The following HARBI1 variants were observed in gnomAD, a reference collection of about 807,000 sequenced individuals.
The protein encoded by HARBI1 is putative nuclease HARBI1.
A neutral mutation model predicts 25.3 loss-of-function variants in HARBI1; 15 were observed. The observed-to-expected ratio is 0.59, with a 90% CI of 0.40 to 0.91. The LOEUF is 0.91. HARBI1 is among the 40% of genes least tolerant of loss of function. HARBI1 has a pLI of 0.00. For missense variants in HARBI1, 396 were observed against 445.8 expected (o/e 0.89, Z 1.01); for synonymous variants, 168 against 160.5 (o/e 1.05, Z -0.35).
Position 46,603,741 on chromosome 11 carries a change from G to A in HARBI1, c.839C>T (p.Ala280Val). The change falls in exon 3 of 3, where the codon GCA (alanine) becomes GTA (valine). Residue 280 changes from alanine (A) to valine (V), a missense_variant. Coordinates refer to ENST00000326737, the MANE Select transcript of HARBI1 (RefSeq NM_173811.4). Reference protein sequence around the residue: ...RFRCLDGSKGALQYSPEKSSH... With the variant: ...RFRCLDGSKGVLQYSPEKSSH... ...GGATTTCTCTGGTGAGTACTGCAGT[G>A]CCCCCTTGGATCCATCCAGGCAGCG... 1 of 1,614,166 alleles carries A rather than the reference G, an allele frequency of 6.2e-7. No individual in the cohort carries two copies. The highest frequency in any genetic ancestry group is 8.5e-7 in the Non-Finnish European group (1 of 1,180,020).
At chr11:46,616,441 G>A in intron 1 of HARBI1, 60 bp from the exon 2 acceptor site, 1 of 1,385,112 alleles carries the variant, frequency 7.2e-7, no homozygotes, top group Non-Finnish European at 9.3e-7. Context: ...GTGACTCAAA[G>A]GCTGGAGCAG....
At chr11:46,612,164 T>C (rs1376991166) in intron 2 of HARBI1, among the ~76,000 whole-genome samples, 2 of 152,042 alleles carry the variant, frequency 1.3e-5, no homozygotes, top group Non-Finnish European at 2.9e-5. Context: ...ATATGATTAG[T>C]GGTAGTGATT....
intron 2 of HARBI1, among the ~76,000 whole-genome samples, chr11:46,613,837 T>C (rs2045278878): frequency 6.6e-6 from 1 of 151,672 alleles, no homozygotes; most frequent in South Asian, 2.1e-4. Flanking sequence ...CTTATTTATA[T>C]TATTATTACT....
At chr11:46,607,043 T>A (rs1053783929) in intron 2 of HARBI1, among the ~76,000 whole-genome samples, 3 of 152,058 alleles carry the variant, frequency 2.0e-5, no homozygotes, top group Non-Finnish European at 4.4e-5. Flanking sequence ...GGCAGGCGGA[T>A]CACCTGAGGT....
intron 2 of HARBI1, 133 bp from the exon 3 acceptor site, chr11:46,604,042 C>A (rs1246901811): frequency 4.3e-6 from 6 of 1,408,096 alleles, no homozygotes; most frequent in East Asian, 5.2e-5. Context: ...ACTAGAAAAA[C>A]CAAGCGGAAA....
At chr11:46,610,642 G>A (rs2045143969) in intron 2 of HARBI1, among the ~76,000 whole-genome samples, 1 of 152,158 alleles carries the variant, frequency 6.6e-6, no homozygotes, top group South Asian at 2.1e-4. Context: ...CTGGGCGACA[G>A]AGCGAGACTC....
chr11:46,603,788 G>A lies in HARBI1; in HGVS notation c.792C>T (p.Phe264=), dbSNP rs2044839041. The A allele has an allele frequency of 6.2e-7, 1 of 1,614,050 alleles. No individual in the cohort carries two copies. Among genetic ancestry groups the A allele is most frequent in the Non-Finnish European group, 8.5e-7 (1 of 1,180,034 alleles). The part of the protein sequence containing the change: ...SATHSVIEKT[F]RTLCSRFRCL... The stretch of plus-strand genomic sequence containing the variant: ...AGCGGAATCGGGAGCAGAGGGTTCG[G>A]AAAGTCTTCTCAATCACACTGTGAG... Residue 264 remains phenylalanine (F), a synonymous_variant, in exon 3 of 3, where the codon TTC becomes TTT. Coordinates refer to ENST00000326737, the MANE Select transcript of HARBI1 (RefSeq NM_173811.4).
chr11:46,615,722 AT>A lies in HARBI1; in HGVS notation c.515del (p.His172LeufsTer3). 1 of 1,614,176 alleles carries A rather than the reference AT, an allele frequency of 6.2e-7. No homozygotes were observed. Among genetic ancestry groups the A allele is most frequent in the Non-Finnish European group, 8.5e-7 (1 of 1,180,032 alleles). ...CACACACCATCAGGCAGTTTAAAGA[AT>A]GCAGGCCTTTTCGGTTCACATAGGA... ...DLSYVNRKGLHSLNCLMVCDI... is the reference protein window; with the variant it reads ...DLSYVNRKGLXSLNCLMVCDI... On this transcript the variant is annotated frameshift_variant, in exon 2 of 3. Coordinates refer to ENST00000326737, the MANE Select transcript of HARBI1 (RefSeq NM_173811.4). LOFTEE classifies it high-confidence loss of function.
intron 2 of HARBI1, among the ~76,000 whole-genome samples, chr11:46,610,278 C>G (rs2045123498): frequency 6.6e-6 from 1 of 151,640 alleles, no homozygotes; most frequent in South Asian, 2.1e-4. Flanking sequence ...TGTGATCATG[C>G]CAGTGCACTC....
chr11:46,605,296 C>G (rs2044895558), intron 2 of HARBI1, among the ~76,000 whole-genome samples: 3 of 152,112 alleles, frequency 2.0e-5, no homozygotes, highest in Non-Finnish European at 4.4e-5. Flanking sequence ...TCGCTGCAGC[C>G]TCAACCTTCC....
chr11:46,610,250 G>A (rs963314426), intron 2 of HARBI1, among the ~76,000 whole-genome samples: 4 of 151,970 alleles, frequency 2.6e-5, no homozygotes, highest in Non-Finnish European at 5.9e-5. Context: ...AGCCCAGGAG[G>A]TCAAGGCTTC....
In HARBI1 at chr11:46,603,411, C is replaced by T; in HGVS notation, c.*119G>A. On this transcript the variant is annotated 3_prime_UTR_variant, in exon 3 of 3. Coordinates refer to ENST00000326737, the MANE Select transcript of HARBI1 (RefSeq NM_173811.4). ...TTACCAAAACACACATATTAAATGT[C>T]AGTTTATGACAAGTATCTGTATACT... 1.1e-6 allele frequency: 1 copy of T among 888,100 alleles called. No homozygotes were observed. The highest frequency in any genetic ancestry group is 1.7e-6 in the Non-Finnish European group (1 of 575,928). 55.0% of individuals were successfully genotyped at this position (888,100 alleles called of 1,614,324 possible).
chr11:46,616,964 G>C (rs934140229), intron 1 of HARBI1, 160 bp downstream of exon 1: 1 of 985,136 alleles, frequency 1.0e-6, no homozygotes, highest in South Asian at 4.7e-5. Context: ...CTGAGGGCCA[G>C]GAAGTACGGA....
Position 46,617,136 on chromosome 11 carries a change from G to T in HARBI1, c.-157C>A. 2.5e-6 allele frequency: 1 copy of T among 393,970 alleles called. No homozygotes were observed. Among genetic ancestry groups the T allele is most frequent in the Non-Finnish European group, 3.5e-6 (1 of 289,506 alleles). 24.4% of individuals were successfully genotyped at this position (393,970 alleles called of 1,614,324 possible). A position where few individuals can be genotyped will look rare whatever the true frequency, so the allele number is the denominator to read the frequency against. On this transcript the variant is annotated 5_prime_UTR_variant, in exon 1 of 3. Transcript: ENST00000326737. ...GCCCGTCACCCACCTCTCCGCGGCT[G>T]CCAGGTTACCAGCCACACTTCCCAC... is the stretch of plus-strand genomic sequence containing the variant.
intron 2 of HARBI1, among the ~76,000 whole-genome samples, chr11:46,609,596 T>C (rs1382457879): frequency 2.6e-5 from 4 of 152,130 alleles, no homozygotes; most frequent in Non-Finnish European, 5.9e-5. Flanking sequence ...TCCACAGACG[T>C]GAGCCACCAC....
At chr11:46,605,587 C>CAT (rs1491479012) in intron 2 of HARBI1, among the ~76,000 whole-genome samples, 4 of 90,216 alleles carry the variant, frequency 4.4e-5, no homozygotes, top group African/African-American at 1.5e-4. Context: ...CAGGTATAAC[C>CAT]TTTTTTTTTT....
chr11:46,606,984 G>C (rs372709219), intron 2 of HARBI1, among the ~76,000 whole-genome samples: 1 of 152,278 alleles, frequency 6.6e-6, no homozygotes, highest in South Asian at 2.1e-4. Flanking sequence ...AGATTATCAG[G>C]CTGGGCACGG....
In HARBI1 at chr11:46,615,970, C is replaced by T; in HGVS notation, c.268G>A (p.Gly90Arg). Residue 90 changes from glycine (G) to arginine (R), a missense_variant, in exon 2 of 3, where the codon GGA (glycine) becomes AGA (arginine). Physicochemically the swap from Gly to Arg is moderately radical, Grantham distance 125 (BLOSUM62 -2). Coordinates refer to ENST00000326737, the MANE Select transcript of HARBI1 (RefSeq NM_173811.4). Reference protein sequence around the residue: ...YTSGSFQTRMGDAIGISQASM... With the variant: ...YTSGSFQTRMRDAIGISQASM... ...GCCTGACTGATTCCAATGGCATCTC[C>T]CATCCGAGTCTGGAAGGAACCTGAG... 6.2e-7 allele frequency: 1 copy of T among 1,614,178 alleles called. No individual in the cohort carries two copies. The highest frequency in any genetic ancestry group is 8.5e-7 in the Non-Finnish European group (1 of 1,180,046).
In HARBI1 at chr11:46,603,379, C is replaced by G. The variant is rs752403768; in HGVS notation, c.*151G>C. The G allele has an allele frequency of 4.1e-6, 3 of 736,380 alleles. No individual in the cohort carries two copies. Among genetic ancestry groups the G allele is most frequent in the Non-Finnish European group, 6.7e-6 (3 of 449,640 alleles). The allele number at this position is 736,380 out of a possible 1,614,324, so 45.6% of individuals were successfully genotyped here. On this transcript the variant is annotated 3_prime_UTR_variant, in exon 3 of 3. Transcript: ENST00000326737. ...ATGAATCAAGATATTCTGGCATAGCCCCAACCTTACCAAAACACACATATT... is the reference window on the plus strand; with the variant it reads ...ATGAATCAAGATATTCTGGCATAGCGCCAACCTTACCAAAACACACATATT...
Sources: allele counts gnomAD v4.1 joint callset (sites outside exome capture counted in the v4.1 genomes callset), GRCh38; gene constraint gnomAD v4.1.1; transcripts MANE v1.5; gene names NCBI Gene and HGNC (gene_info 2026-07-23, HGNC 2026-07-21).